The following THSD7B variants were observed in gnomAD, a reference collection of about 807,000 sequenced individuals.
The protein encoded by THSD7B is thrombospondin type-1 domain-containing protein 7B.
A neutral mutation model predicts 213.6 loss-of-function variants in THSD7B; 138 were observed. That is an observed-to-expected ratio of 0.65 (90% CI 0.56 to 0.74). The LOEUF (loss-of-function observed/expected upper bound fraction) is 0.74. THSD7B is among the 30% of genes least tolerant of loss of function. THSD7B has a pLI of 0.00. For synonymous variants in THSD7B, 742 were observed against 687.0 expected, an observed-to-expected ratio of 1.08 and a Z score of -1.25; for missense variants, 1,931 against 1,991.5, an observed-to-expected ratio of 0.97 and a Z score of 0.58.
rs376172474 is a variant in THSD7B, at chr2:137,676,597, G to A, written c.4813G>A (p.Asp1605Asn). The A allele has an allele frequency of 6.3e-7, 1 of 1,578,720 alleles. No homozygotes were observed. Among genetic ancestry groups the A allele is most frequent in the Non-Finnish European group, 8.6e-7 (1 of 1,164,954 alleles). ...GACCTTAGCCTACGATGGAGACTTA[G>A]ACATGTAATCTGAAAAAGAAATCCA... The part of the protein sequence containing the change: ...PLTLAYDGDL[D>N]M The change falls in exon 28 of 28, where the codon GAC (aspartate) becomes AAC (asparagine). Residue 1605 changes from aspartate to asparagine, a missense_variant. Physicochemically the swap from Asp to Asn is conservative, Grantham distance 23. Coordinates refer to ENST00000409968, the MANE Select transcript of THSD7B (RefSeq NM_001316349.2).
intron 5 of THSD7B, among the ~76,000 whole-genome samples, chr2:137,156,342 T>A (rs1679908807): frequency 6.6e-6 from 1 of 152,174 alleles, no homozygotes; most frequent in Non-Finnish European, 1.5e-5. Flanking sequence ...GACACTGGAA[T>A]AATTTATTGA....
intron 17 of THSD7B, among the ~76,000 whole-genome samples, chr2:137,578,690 T>G (rs1681512934): frequency 3.9e-5 from 6 of 152,196 alleles, no homozygotes; most frequent in Admixed American, 3.9e-4. Flanking sequence ...TCAGCAGTGT[T>G]ACAATCACAA....
At chr2:137,302,699 A>G (rs1683635215) in intron 12 of THSD7B, among the ~76,000 whole-genome samples, 2 of 152,182 alleles carry the variant, frequency 1.3e-5, no homozygotes, top group African/African-American at 4.8e-5. Flanking sequence ...TTGAAATATA[A>G]TACCTGAAGA....
chr2:137,023,604 T>C (rs753304774), intron 2 of THSD7B, among the ~76,000 whole-genome samples: 3 of 152,176 alleles, frequency 2.0e-5, no homozygotes, highest in Non-Finnish European at 2.9e-5. Flanking sequence ...AGATATCTCT[T>C]TCCTTTGCGT....
intron 2 of THSD7B, among the ~76,000 whole-genome samples, chr2:136,887,856 A>G (rs1227872863): frequency 6.6e-6 from 1 of 152,152 alleles, no homozygotes; most frequent in Non-Finnish European, 1.5e-5. Flanking sequence ...TGGTTGTCTA[A>G]GGGGAAAAAG....
At chr2:137,458,791 T>A (rs1359139282) in intron 15 of THSD7B, among the ~76,000 whole-genome samples, 3 of 152,190 alleles carry the variant, frequency 2.0e-5, no homozygotes, top group Admixed American at 1.3e-4. Context: ...AAATGAGTTA[T>A]CTTCTTGTAA....
At chr2:137,645,882 C>T (rs1433327627) in intron 21 of THSD7B, among the ~76,000 whole-genome samples, 1 of 152,070 alleles carries the variant, frequency 6.6e-6, no homozygotes, top group Non-Finnish European at 1.5e-5. Context: ...TAAGTGAGCC[C>T]TCCCTTCCCT....
rs115012296 is a variant in THSD7B at position 136,936,212 on chromosome 2, A to C, written c.139+53895A>C. On this transcript the variant is annotated intron_variant, in intron 2 of 27. Coordinates refer to ENST00000409968, the MANE Select transcript of THSD7B (RefSeq NM_001316349.2). ...TGTGGTGAAAAGCGAACATTTCTAC[A>C]TTGCTGGTGGGAATGTAAACTAGCA... Among the ~76,000 whole-genome samples, 859 of 152,216 alleles carry C rather than the reference A, an allele frequency of 5.6e-3. 6 individuals carry two copies. Among genetic ancestry groups the C allele is most frequent in the African/African-American group, 0.019 (810 of 41,544 alleles).
At chr2:137,442,056 G>A (rs1474077657) in intron 14 of THSD7B, among the ~76,000 whole-genome samples, 1 of 151,928 alleles carries the variant, frequency 6.6e-6, no homozygotes, top group Non-Finnish European at 1.5e-5. Context: ...AATTAGAAAG[G>A]AGAAATATTG....
intron 3 of THSD7B, among the ~76,000 whole-genome samples, chr2:137,060,801 A>AT (rs925983735): frequency 2.0e-5 from 3 of 151,508 alleles, no homozygotes; most frequent in South Asian, 2.1e-4. Flanking sequence ...CAGTCTTCCT[A>AT]TTTTTTTTCT....
At chr2:137,218,599 C>G (rs1458345985) in intron 7 of THSD7B, among the ~76,000 whole-genome samples, 1 of 151,934 alleles carries the variant, frequency 6.6e-6, no homozygotes, top group Non-Finnish European at 1.5e-5. Context: ...TAAGACAATA[C>G]TAGAAAAGTA....
At chr2:137,574,424 T>A (rs1681417597) in intron 17 of THSD7B, among the ~76,000 whole-genome samples, 1 of 152,156 alleles carries the variant, frequency 6.6e-6, no homozygotes, top group Admixed American at 6.6e-5. Flanking sequence ...AGGTTGTTCC[T>A]TTACCTGCTT....
chr2:137,583,373 T>A (rs1681630530), intron 17 of THSD7B, among the ~76,000 whole-genome samples: 1 of 152,246 alleles, frequency 6.6e-6, no homozygotes, highest in Non-Finnish European at 1.5e-5. Context: ...TTGGCTTTTG[T>A]TGCCGTTGTT....
intron 13 of THSD7B, among the ~76,000 whole-genome samples, chr2:137,409,561 T>A (rs2105010090): frequency 6.6e-6 from 1 of 152,342 alleles, no homozygotes; most frequent in South Asian, 2.1e-4. Flanking sequence ...AAATCTTGGA[T>A]GAAGACAGTC....
intron 17 of THSD7B, among the ~76,000 whole-genome samples, chr2:137,606,145 A>G (rs1289393134): frequency 2.0e-5 from 3 of 152,190 alleles, no homozygotes; most frequent in Non-Finnish European, 2.9e-5. Context: ...GACATCTTTC[A>G]GGAAGAGAAT....
At chr2:137,478,592 A>G (rs1688241199) in intron 15 of THSD7B, among the ~76,000 whole-genome samples, 1 of 152,040 alleles carries the variant, frequency 6.6e-6, no homozygotes, top group Non-Finnish European at 1.5e-5. Context: ...CTCTTGTGGA[A>G]GAATTATTGC....
At chr2:137,311,168 T>A (rs1258933075) in intron 12 of THSD7B, among the ~76,000 whole-genome samples, 2 of 150,934 alleles carry the variant, frequency 1.3e-5, no homozygotes, top group Non-Finnish European at 2.9e-5. Flanking sequence ...GTTTGTATCC[T>A]CTTTTATTTC....
intron 12 of THSD7B, among the ~76,000 whole-genome samples, chr2:137,329,503 T>C (rs985926578): frequency 7.2e-5 from 11 of 152,084 alleles, no homozygotes; most frequent in Non-Finnish European, 1.5e-4. Context: ...GTAGCTGGGA[T>C]TATAGGTGCC....
chr2:136,934,807 T>C (rs1481024922), intron 2 of THSD7B, among the ~76,000 whole-genome samples: 1 of 152,188 alleles, frequency 6.6e-6, no homozygotes, highest in Non-Finnish European at 1.5e-5. Flanking sequence ...ACAATTTACC[T>C]TTTCTTTTGA....
Sources: allele counts gnomAD v4.1 joint callset (sites outside exome capture counted in the v4.1 genomes callset), GRCh38; gene constraint gnomAD v4.1.1; transcripts MANE v1.5; gene names NCBI Gene and HGNC (gene_info 2026-07-23, HGNC 2026-07-21).